TENM2: variants seen among roughly 807,000 people sequenced by gnomAD.
TENM2 encodes the protein teneurin transmembrane protein 2.
In TENM2, 52 loss-of-function variants were observed where a neutral mutation model predicts 245.2. The ratio of observed to expected loss-of-function variants is 0.21; its 90% CI spans 0.17 to 0.27. The LOEUF (loss-of-function observed/expected upper bound fraction) is 0.27. Among genes scored for constraint, TENM2 ranks in the 10% least tolerant of loss-of-function variants. The probability of loss-of-function intolerance (pLI) is 1.00; values close to 1 mark genes in which losing one functional copy is unlikely to be tolerated. For missense variants in TENM2, 3,046 were observed against 3,666.8 expected, an observed-to-expected ratio of 0.83 and a Z score of 4.37; for synonymous variants, 1,363 against 1,438.9, an observed-to-expected ratio of 0.95 and a Z score of 1.19.
chr5:167,685,155 T>A (rs1756989224), intron 2 of TENM2, among the ~76,000 whole-genome samples: 1 of 152,212 alleles, frequency 6.6e-6, no homozygotes, highest in South Asian at 2.1e-4. Context: ...GTGGAATGTT[T>A]GTATCATTGA....
intron 4 of TENM2, among the ~76,000 whole-genome samples, chr5:167,957,682 C>G (rs1780670450): frequency 6.6e-6 from 1 of 152,126 alleles, no homozygotes; most frequent in Non-Finnish European, 1.5e-5. Context: ...TGTCTTTGTT[C>G]TCATTGGTTT....
At chr5:167,344,542 T>C (rs976080260) in intron 1 of TENM2, among the ~76,000 whole-genome samples, 1 of 152,186 alleles carries the variant, frequency 6.6e-6, no homozygotes, top group East Asian at 1.9e-4. Flanking sequence ...TAGGCTGCTT[T>C]TGATGATTCA....
At chr5:167,846,267 C>G (rs12522225) in intron 2 of TENM2, among the ~76,000 whole-genome samples, 1 of 151,978 alleles carries the variant, frequency 6.6e-6, no homozygotes, top group Non-Finnish European at 1.5e-5. Context: ...ACGTAGTCAG[C>G]CCCCAGTGAA....
chr5:167,144,874 A>C, the TENM2 span, among the ~76,000 whole-genome samples: 2 of 152,222 alleles, frequency 1.3e-5, no homozygotes, highest in African/African-American at 4.8e-5. Flanking sequence ...TCTGGAGGTT[A>C]CAAGTACAAG....
At chr5:167,811,372 C>T (rs1056719660) in intron 2 of TENM2, among the ~76,000 whole-genome samples, 2 of 151,924 alleles carry the variant, frequency 1.3e-5, no homozygotes, top group Admixed American at 6.6e-5. Flanking sequence ...GTGTGGCATG[C>T]ACACTCCCTC....
intron 27 of TENM2, 106 bp downstream of exon 29, chr5:168,248,477 G>A: frequency 8.5e-7 from 1 of 1,173,122 alleles, no homozygotes; most frequent in South Asian, 1.5e-5. Context: ...AGAAGCCCAT[G>A]GGCCATAAAG....
chr5:167,561,359 G>A (rs1352149628), intron 2 of TENM2, among the ~76,000 whole-genome samples: 3 of 152,294 alleles, frequency 2.0e-5, no homozygotes, highest in East Asian at 1.9e-4. Context: ...AGGAGCCCAA[G>A]GTCATTGTAT....
the TENM2 span, among the ~76,000 whole-genome samples, chr5:167,039,845 A>T: frequency 6.6e-6 from 1 of 152,210 alleles, no homozygotes; most frequent in Non-Finnish European, 1.5e-5. Flanking sequence ...AAATGAAGAA[A>T]GAAAAAAAAG....
the TENM2 span, among the ~76,000 whole-genome samples, chr5:167,205,679 A>G: frequency 6.6e-6 from 1 of 152,170 alleles, no homozygotes; most frequent in African/African-American, 2.4e-5. Context: ...TCTACTGATG[A>G]TATCAGGGTC....
At chr5:166,979,217 A>C in the TENM2 span, among the ~76,000 whole-genome samples, 2 of 151,074 alleles carry the variant, frequency 1.3e-5, no homozygotes, top group Non-Finnish European at 3.0e-5. Flanking sequence ...CAGCAGCAGC[A>C]GCAGCAGCAG....
chr5:167,738,535 T>G (rs2150581839), intron 2 of TENM2, among the ~76,000 whole-genome samples: 1 of 152,354 alleles, frequency 6.6e-6, no homozygotes, highest in Middle Eastern at 3.4e-3. Context: ...CCCTAGTGTC[T>G]TAAACAGATT....
the TENM2 span, among the ~76,000 whole-genome samples, chr5:167,006,967 G>A: frequency 1.3e-5 from 2 of 152,148 alleles, no homozygotes; most frequent in Non-Finnish European, 2.9e-5. Flanking sequence ...CACCACACCC[G>A]GCCCACATTC....
At chr5:167,897,461 T>A in intron 3 of TENM2, among the ~76,000 whole-genome samples, 1 of 152,160 alleles carries the variant, frequency 6.6e-6, no homozygotes, top group Non-Finnish European at 1.5e-5. Flanking sequence ...AAAAATCAGG[T>A]CTTAAAAAGA....
chr5:167,049,894 T>A, the TENM2 span, among the ~76,000 whole-genome samples: 1 of 152,226 alleles, frequency 6.6e-6, no homozygotes, highest in East Asian at 1.9e-4. Context: ...GTCATCTTTC[T>A]AATGCAAGAA....
intron 15 of TENM2, among the ~76,000 whole-genome samples, chr5:168,195,807 G>C (rs1248229154): frequency 6.6e-6 from 1 of 152,060 alleles, no homozygotes; most frequent in Non-Finnish European, 1.5e-5. Flanking sequence ...CGTGTAATCA[G>C]AGAAGTCTAA....
At chr5:167,476,706 C>T (rs1337721937) in intron 2 of TENM2, among the ~76,000 whole-genome samples, 2 of 152,180 alleles carry the variant, frequency 1.3e-5, no homozygotes, top group Non-Finnish European at 2.9e-5. Flanking sequence ...TCAAGCAATT[C>T]TCCTGCCTCA....
At chr5:167,502,907 G>A (rs750802195) in intron 2 of TENM2, among the ~76,000 whole-genome samples, 5 of 152,188 alleles carry the variant, frequency 3.3e-5, no homozygotes, top group Non-Finnish European at 5.9e-5. Context: ...CTGCTCAACT[G>A]CAACTTCCGT....
intron 13 of TENM2, among the ~76,000 whole-genome samples, chr5:168,170,491 A>G (rs1438046270): frequency 6.6e-6 from 1 of 152,216 alleles, no homozygotes; most frequent in African/African-American, 2.4e-5. Flanking sequence ...TGGGTGACAG[A>G]GCGAGACTCC....
chr5:167,992,620 AAT>A (rs1395847707), intron 4 of TENM2, among the ~76,000 whole-genome samples: 3 of 152,218 alleles, frequency 2.0e-5, no homozygotes, highest in African/African-American at 7.2e-5. Context: ...GTAGGTATCT[AAT>A]ATGTGATAAC....
Sources: gnomAD v4.1 joint callset for allele counts (sites outside exome capture counted in the v4.1 genomes callset) on GRCh38, gnomAD v4.1.1 for gene constraint, MANE v1.5 for transcripts, NCBI Gene and HGNC (gene_info 2026-07-23, HGNC 2026-07-21) for gene names.